The following CPQ variants were observed in gnomAD, a reference collection of about 807,000 sequenced individuals.
CPQ encodes carboxypeptidase Q.
A neutral mutation model predicts 45.7 loss-of-function variants in CPQ; 37 were observed. That is an observed-to-expected ratio of 0.81 (90% CI 0.62 to 1.07). The LOEUF (loss-of-function observed/expected upper bound fraction) is 1.07. Among genes scored for constraint, CPQ ranks in the 50% least tolerant of loss-of-function variants. The pLI, the probability that CPQ is intolerant of heterozygous loss-of-function variation, is 0.00. For synonymous variants in CPQ, 186 were observed against 205.8 expected (o/e 0.90, Z 0.82); for missense variants, 537 against 572.9 (o/e 0.94, Z 0.64).
At position 96,915,673 on chromosome 8, in the gene CPQ, C is replaced by T. The variant is rs549282736; in HGVS notation, c.849+35668C>T. The stretch of plus-strand genomic sequence containing the variant: ...CTTAGGATTCCTCTCTTGAGGGTCA[C>T]GTATCCCTGCTTTGTAATTCACCTC... On this transcript the variant is annotated intron_variant, in intron 4 of 7. Transcript: ENST00000220763. 2.0e-3 allele frequency among the ~76,000 whole-genome samples: 312 copies of T among 152,216 alleles called. 1 individual carries two copies. Among genetic ancestry groups the T allele is most frequent in the Middle Eastern group, 6.8e-3 (2 of 294 alleles).
At chr8:97,120,658 T>C (rs1357191509) in intron 7 of CPQ, among the ~76,000 whole-genome samples, 1 of 152,246 alleles carries the variant, frequency 6.6e-6, no homozygotes, top group East Asian at 1.9e-4. Context: ...TTAGATCTTA[T>C]GATGTGGCTT....
rs562125814 is a variant in CPQ at position 96,886,089 on chromosome 8, G to A, written c.849+6084G>A. Among the ~76,000 whole-genome samples the A allele has an allele frequency of 3.9e-5, 6 of 152,244 alleles. No individual in the cohort carries two copies. In the South Asian group the frequency reaches 1.2e-3, roughly 32 times the overall value. Reference sequence around the variant, plus strand: ...CTACCCTCTTTCCAAAAAACCGATGGTGGCACATTCTGGCTCCTCTAAGCC... The same window carrying A: ...CTACCCTCTTTCCAAAAAACCGATGATGGCACATTCTGGCTCCTCTAAGCC... On this transcript the variant is annotated intron_variant, in intron 4 of 7. Coordinates refer to ENST00000220763, the MANE Select transcript of CPQ (RefSeq NM_016134.4).
At chr8:96,964,621 A>T (rs1256630035) in intron 4 of CPQ, among the ~76,000 whole-genome samples, 1 of 152,156 alleles carries the variant, frequency 6.6e-6, no homozygotes, top group Non-Finnish European at 1.5e-5. Context: ...AGTTTAAAAA[A>T]AAACACTCTC....
At chr8:96,662,824 C>CA (rs902358291) in intron 1 of CPQ, among the ~76,000 whole-genome samples, 2 of 151,968 alleles carry the variant, frequency 1.3e-5, no homozygotes, top group Non-Finnish European at 2.9e-5. Context: ...CTCAACTGTA[C>CA]AAAAAATATG....
chr8:96,935,436 C>T (rs1813032558), intron 4 of CPQ, among the ~76,000 whole-genome samples: 1 of 152,148 alleles, frequency 6.6e-6, no homozygotes, highest in South Asian at 2.1e-4. Flanking sequence ...GAAACCAAGA[C>T]TCAAGGTCAG....
intron 1 of CPQ, among the ~76,000 whole-genome samples, chr8:96,667,247 A>G (rs992290571): frequency 6.6e-6 from 1 of 152,206 alleles, no homozygotes; most frequent in African/African-American, 2.4e-5. Context: ...TTACATAAGA[A>G]AATGCATGTT....
At chr8:97,075,317 G>T (rs760279040) in intron 7 of CPQ, among the ~76,000 whole-genome samples, 59 of 152,212 alleles carry the variant, frequency 3.9e-4, no homozygotes, top group Non-Finnish European at 2.9e-4. Flanking sequence ...CCCTTTTAGG[G>T]TCTCAAGATT....
chr8:96,908,952 T>G (rs2130902947), intron 4 of CPQ, among the ~76,000 whole-genome samples: 1 of 152,336 alleles, frequency 6.6e-6, no homozygotes, highest in African/African-American at 2.4e-5. Flanking sequence ...TTCTTGTGTT[T>G]CTCTAGTGTC....
intron 5 of CPQ, among the ~76,000 whole-genome samples, chr8:97,025,855 C>G (rs10107707): frequency 6.6e-6 from 1 of 152,186 alleles, no homozygotes; most frequent in African/African-American, 2.4e-5. Flanking sequence ...GATGTCCTTA[C>G]ATCAATTGTC....
Position 97,041,143 on chromosome 8 carries a change from A to G in CPQ, c.1053+11649A>G, listed in dbSNP as rs923013399. ...ATGGGATGTTCTTCCATTTCTTTGT[A>G]TCCTCTTTTATTTCATTGAGCAGGG... On this transcript the variant is annotated intron_variant, in intron 6 of 7. Transcript: ENST00000220763. Among the ~76,000 whole-genome samples the G allele has an allele frequency of 1.2e-4, 18 of 152,056 alleles. 1 individual carries two copies. Among genetic ancestry groups the G allele is most frequent in the African/African-American group, 4.3e-4 (18 of 41,394 alleles).
intron 4 of CPQ, among the ~76,000 whole-genome samples, chr8:96,946,863 C>T (rs1013971181): frequency 6.6e-6 from 1 of 152,108 alleles, no homozygotes; most frequent in African/African-American, 2.4e-5. Context: ...TCAACTCAAA[C>T]CTTACTTTCT....
intron 3 of CPQ, among the ~76,000 whole-genome samples, chr8:96,874,329 G>A (rs746402796): frequency 1.3e-5 from 2 of 151,634 alleles, no homozygotes; most frequent in Admixed American, 6.6e-5. Context: ...ATATAATTCA[G>A]ACACAATAAA....
At chr8:96,891,315 GT>G (rs1812372040) in intron 4 of CPQ, among the ~76,000 whole-genome samples, 1 of 152,164 alleles carries the variant, frequency 6.6e-6, no homozygotes. Context: ...GATGGAAAAG[GT>G]CCAATATAAT....
At chr8:97,028,624 T>A (rs1007358224) in intron 5 of CPQ, among the ~76,000 whole-genome samples, 1 of 152,208 alleles carries the variant, frequency 6.6e-6, no homozygotes, top group African/African-American at 2.4e-5. Context: ...TTTTTTTAAC[T>A]TCAGAAACAG....
chr8:96,792,908 G>A lies in CPQ; in HGVS notation c.433+7578G>A, dbSNP rs149578859. ...GCCTCAGGAAAGTTACAATCATGGC[G>A]GAAGACACTCCTTCACAGGGCGGAA... On this transcript the variant is annotated intron_variant, in intron 2 of 7. Transcript: ENST00000220763. Among the ~76,000 whole-genome samples the A allele has an allele frequency of 7.1e-3, 1,084 of 152,196 alleles. 11 individuals are homozygous for A. Among genetic ancestry groups the A allele is most frequent in the African/African-American group, 0.02 (818 of 41,520 alleles).
chr8:97,123,204 T>TAAAATAAAAA (rs1811782223), intron 7 of CPQ, among the ~76,000 whole-genome samples: 1 of 42,658 alleles, frequency 2.3e-5, no homozygotes, highest in African/African-American at 7.3e-5. Context: ...TAAAATAAAA[T>TAAAATAAAAA]AAAAAATAAA....
intron 7 of CPQ, 32 bp downstream of exon 7, chr8:97,066,242 T>C (rs1195719431): frequency 1.4e-5 from 22 of 1,577,368 alleles, no homozygotes; most frequent in Admixed American, 1.8e-5. Context: ...GTGTTCCTTA[T>C]ATATTGCCAA....
At chr8:96,713,626 C>T (rs562358349) in intron 1 of CPQ, among the ~76,000 whole-genome samples, 1 of 152,218 alleles carries the variant, frequency 6.6e-6, no homozygotes, top group South Asian at 2.1e-4. Context: ...GGGTAACTGC[C>T]CCCATGATTC....
chr8:96,838,049 C>T (rs1811554498), intron 3 of CPQ, among the ~76,000 whole-genome samples: 1 of 152,176 alleles, frequency 6.6e-6, no homozygotes, highest in South Asian at 2.1e-4. Context: ...CATTTCCCTT[C>T]TCACTGCCAC....
Sources: allele counts gnomAD v4.1 joint callset (sites outside exome capture counted in the v4.1 genomes callset), GRCh38; gene constraint gnomAD v4.1.1; transcripts MANE v1.5; gene names NCBI Gene and HGNC (gene_info 2026-07-23, HGNC 2026-07-21).